ADGRG6: variants seen among roughly 807,000 people sequenced by gnomAD.
The protein encoded by ADGRG6 is adhesion G protein-coupled receptor G6, also known as G-protein coupled receptor 126.
In ADGRG6, 84 loss-of-function variants were observed where a neutral mutation model predicts 142.4. That is an observed-to-expected ratio of 0.59 (90% CI 0.49 to 0.71). ADGRG6 has a LOEUF of 0.71. Ranked by LOEUF, ADGRG6 falls within the 30% of genes least tolerant of loss-of-function variation. The probability of loss-of-function intolerance (pLI) is 0.00; values close to 1 mark genes in which losing one functional copy is unlikely to be tolerated. For missense variants in ADGRG6, 1,367 were observed against 1,466.6 expected (o/e 0.93, Z 1.11); for synonymous variants, 521 against 520.5 (o/e 1.00, Z -0.01).
At chr6:142,354,441 C>G (rs1200468659) in intron 2 of ADGRG6, among the ~76,000 whole-genome samples, 1 of 152,106 alleles carries the variant, frequency 6.6e-6, no homozygotes, top group African/African-American at 2.4e-5. Context: ...AAATATAATC[C>G]TCAGTTTGTC....
chr6:142,366,187 G>GA (rs1297808864), intron 2 of ADGRG6, among the ~76,000 whole-genome samples: 1 of 152,152 alleles, frequency 6.6e-6, no homozygotes. Context: ...TCTCATTAGT[G>GA]AAAATGGGAT....
chr6:142,422,123 CAGGT>C (rs1776680535), intron 22 of ADGRG6, among the ~76,000 whole-genome samples: 1 of 151,752 alleles, frequency 6.6e-6, no homozygotes, highest in Non-Finnish European at 1.5e-5. Flanking sequence ...AAAATGAACT[CAGGT>C]AGTAAGGAGG....
At chr6:142,383,951 T>A (rs949653257) in intron 6 of ADGRG6, 108 bp downstream of exon 6, 1 of 644,842 alleles carries the variant, frequency 1.6e-6, no homozygotes, top group Non-Finnish European at 2.7e-6. Flanking sequence ...CTGGAGTCAA[T>A]TGGTACATTT....
At chr6:142,425,268 G>A (rs202075554) in intron 22 of ADGRG6, among the ~76,000 whole-genome samples, 3 of 152,128 alleles carry the variant, frequency 2.0e-5, no homozygotes, top group Non-Finnish European at 2.9e-5. Flanking sequence ...TCTGTAGGGC[G>A]AGCAGGTAGG....
chr6:142,318,179 A>G (rs1442204625), intron 2 of ADGRG6, among the ~76,000 whole-genome samples: 1 of 9,600 alleles, frequency 1.0e-4, no homozygotes. Flanking sequence ...ATATTTATAT[A>G]TTATATATTA....
At chr6:142,408,841 T>C (rs953609847) in intron 16 of ADGRG6, among the ~76,000 whole-genome samples, 4 of 152,138 alleles carry the variant, frequency 2.6e-5, no homozygotes, top group Non-Finnish European at 1.5e-5. Flanking sequence ...GCCCTCATCA[T>C]GATTCTGCCA....
At chr6:142,309,094 G>A (rs765311563) in intron 1 of ADGRG6, among the ~76,000 whole-genome samples, 35 of 151,850 alleles carry the variant, frequency 2.3e-4, no homozygotes, top group African/African-American at 7.5e-4. Context: ...AAATATTTCC[G>A]TTTGTAAAGC....
intron 2 of ADGRG6, among the ~76,000 whole-genome samples, chr6:142,336,514 A>G (rs952132539): frequency 3.0e-4 from 46 of 152,186 alleles, no homozygotes; most frequent in African/African-American, 9.7e-5. Context: ...CCTTGGTTCA[A>G]ATAGCTTATC....
At chr6:142,423,686 G>A (rs2115117067) in intron 22 of ADGRG6, among the ~76,000 whole-genome samples, 1 of 113,186 alleles carries the variant, frequency 8.8e-6, no homozygotes, top group Admixed American at 9.4e-5. Flanking sequence ...CTTTAAAGTA[G>A]TTTTTTCCAA....
intron 22 of ADGRG6, among the ~76,000 whole-genome samples, chr6:142,434,353 C>T (rs1777372204): frequency 6.6e-6 from 1 of 151,160 alleles, no homozygotes; most frequent in Admixed American, 6.6e-5. Flanking sequence ...GAGACGGAGT[C>T]TCGCACTGTC....
At chr6:142,435,564 A>G (rs1322733806) in intron 22 of ADGRG6, among the ~76,000 whole-genome samples, 1 of 149,870 alleles carries the variant, frequency 6.7e-6, no homozygotes, top group Non-Finnish European at 1.5e-5. Context: ...CATTCAATTA[A>G]CTCATGTAGA....
chr6:142,431,250 G>A (rs1387733798), intron 22 of ADGRG6, among the ~76,000 whole-genome samples: 1 of 152,016 alleles, frequency 6.6e-6, no homozygotes, highest in East Asian at 1.9e-4. Context: ...TTCTAGCATG[G>A]AATGGATTCT....
chr6:142,302,222 A>C lies in ADGRG6; in HGVS notation c.-108A>C. 3 of 1,311,208 alleles carry C rather than the reference A, an allele frequency of 2.3e-6. No homozygotes were observed. Among genetic ancestry groups the C allele is most frequent in the Non-Finnish European group, 3.2e-6 (3 of 943,128 alleles). 81.2% of individuals were successfully genotyped at this position (1,311,208 alleles called of 1,614,324 possible). ...GTAAAGGAGGGTCCCGCCGCGGCGC[A>C]GGGCTGGGGCGCCTGGGTTCCCCCT... On this transcript the variant is annotated 5_prime_UTR_variant, in exon 1 of 25. Transcript: ENST00000367609.
intron 2 of ADGRG6, among the ~76,000 whole-genome samples, chr6:142,328,218 T>G (rs923064074): frequency 1.3e-5 from 2 of 152,224 alleles, no homozygotes; most frequent in African/African-American, 4.8e-5. Context: ...GTTTTGTTTT[T>G]TTGAGACAAG....
rs991945261 is a variant in ADGRG6, at chr6:142,317,701, AATAT to A, written c.103+8066_103+8069del. ...TGAGCATCTTACTGCTCATTCAGTA[AATAT>A]ATATATATTTATATTATATATTAAT... On this transcript the variant is annotated intron_variant, in intron 2 of 24. Transcript: ENST00000367609. Among the ~76,000 whole-genome samples the A allele has an allele frequency of 2.6e-5, 3 of 114,720 alleles. No individual in the cohort carries two copies. The Admixed American group carries it at 3.8e-4, about 14-fold the overall frequency. The allele number at this position is 114,720 out of a possible 152,430, so 75.3% of individuals were successfully genotyped here. A position where few individuals can be genotyped will look rare whatever the true frequency, so the allele number is the denominator to read the frequency against.
At chr6:142,434,924 T>A (rs1777403940) in intron 22 of ADGRG6, among the ~76,000 whole-genome samples, 1 of 152,092 alleles carries the variant, frequency 6.6e-6, no homozygotes, top group Admixed American at 6.5e-5. Flanking sequence ...TTCTGAAAAC[T>A]AAGGGCCGCT....
intron 2 of ADGRG6, among the ~76,000 whole-genome samples, chr6:142,366,160 G>C (rs1191531160): frequency 6.6e-6 from 1 of 152,168 alleles, no homozygotes; most frequent in South Asian, 2.1e-4. Flanking sequence ...AATAATAATT[G>C]AGAAGAACCT....
intron 2 of ADGRG6, among the ~76,000 whole-genome samples, chr6:142,365,935 A>T (rs903429375): frequency 6.6e-6 from 1 of 152,270 alleles, no homozygotes; most frequent in Admixed American, 6.5e-5. Flanking sequence ...AGGGAGGGAT[A>T]TAATAAATTT....
chr6:142,408,015 G>C (rs1356464710), intron 15 of ADGRG6, 135 bp from the exon 16 acceptor site: 1 of 535,516 alleles, frequency 1.9e-6, no homozygotes, highest in African/African-American at 1.9e-5. Flanking sequence ...CCAGCAACTT[G>C]ATGTGATAAA....
Sources: allele counts gnomAD v4.1 joint callset (sites outside exome capture counted in the v4.1 genomes callset), GRCh38; gene constraint gnomAD v4.1.1; transcripts MANE v1.5; gene names NCBI Gene and HGNC (gene_info 2026-07-23, HGNC 2026-07-21).